The following CNTNAP2 variants were observed in gnomAD, a reference collection of about 807,000 sequenced individuals.
CNTNAP2 encodes the protein contactin associated protein 2.
In CNTNAP2, 98 loss-of-function variants were observed where a neutral mutation model predicts 155.2. That is an observed-to-expected ratio of 0.63 (90% confidence interval 0.54 to 0.75). The LOEUF (loss-of-function observed/expected upper bound fraction) is 0.75. CNTNAP2 is among the 30% of genes least tolerant of loss of function. The probability of loss-of-function intolerance (pLI) is 0.00; values close to 1 mark genes in which losing one functional copy is unlikely to be tolerated. For missense variants in CNTNAP2, 1,727 were observed against 1,688.1 expected, an observed-to-expected ratio of 1.02 and a Z score of -0.40; for synonymous variants, 651 against 631.2, an observed-to-expected ratio of 1.03 and a Z score of -0.47.
At chr7:146,247,283 C>T (rs2116937427) in intron 1 of CNTNAP2, among the ~76,000 whole-genome samples, 1 of 152,196 alleles carries the variant, frequency 6.6e-6, no homozygotes, top group East Asian at 1.9e-4. Flanking sequence ...GCTTCAGCCA[C>T]CTTTTTAAGA....
At chr7:147,005,479 G>A (rs1798508510) in intron 3 of CNTNAP2, among the ~76,000 whole-genome samples, 1 of 152,014 alleles carries the variant, frequency 6.6e-6, no homozygotes, top group Non-Finnish European at 1.5e-5. Flanking sequence ...GCAAAAAGAA[G>A]TTTATTAACT....
At chr7:146,868,579 G>T (rs1795248195) in intron 3 of CNTNAP2, among the ~76,000 whole-genome samples, 1 of 152,116 alleles carries the variant, frequency 6.6e-6, no homozygotes, top group Admixed American at 6.6e-5. Flanking sequence ...TGACAGCATA[G>T]CATTGAATTT....
intron 1 of CNTNAP2, among the ~76,000 whole-genome samples, chr7:146,369,297 T>A (rs953051285): frequency 2.6e-5 from 4 of 152,028 alleles, no homozygotes; most frequent in Non-Finnish European, 5.9e-5. Context: ...GTGGATCTAA[T>A]AATATTATGA....
chr7:147,606,156 A>C (rs1393431952), intron 12 of CNTNAP2, among the ~76,000 whole-genome samples: 3 of 152,138 alleles, frequency 2.0e-5, no homozygotes, highest in Non-Finnish European at 4.4e-5. Context: ...ACTTTATTTC[A>C]CAATAATAAT....
chr7:146,616,595 CAAAAA>C (rs1004709741), intron 1 of CNTNAP2, among the ~76,000 whole-genome samples: 2 of 151,658 alleles, frequency 1.3e-5, no homozygotes, highest in Non-Finnish European at 2.9e-5. Flanking sequence ...AATTTATAGT[CAAAAA>C]AAAGCTGATG....
intron 9 of CNTNAP2, among the ~76,000 whole-genome samples, chr7:147,321,722 C>A (rs1388624440): frequency 6.6e-6 from 1 of 152,150 alleles, no homozygotes; most frequent in South Asian, 2.1e-4. Context: ...CCAAAGACAG[C>A]AGTTGACAAT....
At chr7:146,605,743 G>A (rs1319917154) in intron 1 of CNTNAP2, among the ~76,000 whole-genome samples, 1 of 152,126 alleles carries the variant, frequency 6.6e-6, no homozygotes, top group South Asian at 2.1e-4. Context: ...TCAATAGTGA[G>A]CATAGTTGAA....
intron 21 of CNTNAP2, among the ~76,000 whole-genome samples, chr7:148,350,199 G>A (rs933810603): frequency 3.3e-5 from 5 of 151,774 alleles, no homozygotes; most frequent in South Asian, 2.1e-4. Context: ...ATCTGCGGAT[G>A]TATTCGGTGT....
intron 8 of CNTNAP2, among the ~76,000 whole-genome samples, chr7:147,240,144 C>T (rs1490663363): frequency 6.6e-6 from 1 of 151,958 alleles, no homozygotes; most frequent in Non-Finnish European, 1.5e-5. Context: ...AGCAAGATGC[C>T]GTCTCTACAA....
chr7:147,009,992 G>T (rs28647171), intron 3 of CNTNAP2, among the ~76,000 whole-genome samples: 2 of 149,602 alleles, frequency 1.3e-5, no homozygotes, highest in Non-Finnish European at 3.0e-5. Context: ...CACACCAGGC[G>T]TCTATATCTT....
Position 148,115,623 on chromosome 7 carries a change from AC to A in CNTNAP2, c.2384-2494del, listed in dbSNP as rs1391111471. ...CGAGAGCGTAGATTTAGGTTTTCTC[AC>A]AGAGGTGCACCTGAACGCCTCTTGC... On this transcript the variant is annotated intron_variant, in intron 15 of 23. Transcript: ENST00000361727. 1.3e-5 allele frequency among the ~76,000 whole-genome samples: 2 copies of A among 152,046 alleles called. 1 individual carries two copies. Among genetic ancestry groups the A allele is most frequent in the Non-Finnish European group, 2.9e-5 (2 of 68,006 alleles).
chr7:148,164,941 C>T (rs1805623133), intron 17 of CNTNAP2, among the ~76,000 whole-genome samples: 1 of 151,974 alleles, frequency 6.6e-6, no homozygotes, highest in African/African-American at 2.4e-5. Flanking sequence ...AGCCACCATA[C>T]CTGGCTCTAA....
At chr7:147,231,633 A>G (rs967754593) in intron 8 of CNTNAP2, among the ~76,000 whole-genome samples, 1 of 152,166 alleles carries the variant, frequency 6.6e-6, no homozygotes. Flanking sequence ...CCCAGCAAGT[A>G]TGAGGTGATA....
intron 21 of CNTNAP2, among the ~76,000 whole-genome samples, chr7:148,272,397 T>C (rs1315208194): frequency 6.6e-6 from 1 of 152,184 alleles, no homozygotes; most frequent in Non-Finnish European, 1.5e-5. Context: ...GGAAGAGAAA[T>C]ATAACTTGAA....
chr7:147,810,617 T>G (rs867540340), intron 13 of CNTNAP2, among the ~76,000 whole-genome samples: 2 of 152,186 alleles, frequency 1.3e-5, no homozygotes, highest in Non-Finnish European at 2.9e-5. Context: ...TAATATTAAT[T>G]TTTATTTTGT....
At chr7:148,394,300 A>G (rs1375016174) in intron 22 of CNTNAP2, among the ~76,000 whole-genome samples, 4 of 152,094 alleles carry the variant, frequency 2.6e-5, no homozygotes, top group East Asian at 1.9e-4. Context: ...CACCTTTACC[A>G]TCTTCTAAAT....
At chr7:147,069,689 C>T (rs933276335) in intron 4 of CNTNAP2, among the ~76,000 whole-genome samples, 7 of 152,076 alleles carry the variant, frequency 4.6e-5, no homozygotes, top group African/African-American at 1.7e-4. Context: ...AGATCCAGTT[C>T]CCCAAACTCA....
At chr7:147,402,314 T>C (rs1352777876) in intron 10 of CNTNAP2, among the ~76,000 whole-genome samples, 1 of 152,186 alleles carries the variant, frequency 6.6e-6, no homozygotes, top group African/African-American at 2.4e-5. Context: ...AGGTTCCCTC[T>C]GAGCTCCCTG....
At chr7:147,297,821 T>C (rs1396875911) in intron 8 of CNTNAP2, among the ~76,000 whole-genome samples, 1 of 152,166 alleles carries the variant, frequency 6.6e-6, no homozygotes, top group East Asian at 1.9e-4. Flanking sequence ...TATTCATCTG[T>C]TGATGGACAC....
Sources: gnomAD v4.1 joint callset for allele counts (sites outside exome capture counted in the v4.1 genomes callset) on GRCh38, gnomAD v4.1.1 for gene constraint, MANE v1.5 for transcripts, NCBI Gene and HGNC (gene_info 2026-07-23, HGNC 2026-07-21) for gene names.